Variants in TTC23L observed in about 807,000 individuals in gnomAD.
TTC23L encodes the protein tetratricopeptide repeat domain 23 like, also known as tetratricopeptide repeat protein 23-like.
In TTC23L, 42 loss-of-function variants were observed where a neutral mutation model predicts 48.1. The observed-to-expected ratio is 0.87, with a 90% CI of 0.68 to 1.13. The LOEUF (loss-of-function observed/expected upper bound fraction) is 1.13, where lower values mean the gene tolerates loss of function less well. Ranked by LOEUF, TTC23L falls within the 50% of genes most tolerant of loss-of-function variation. The probability of loss-of-function intolerance (pLI) is 0.00; values close to 1 mark genes in which losing one functional copy is unlikely to be tolerated. For synonymous variants in TTC23L, 159 were observed against 157.2 expected (o/e 1.01, Z -0.09); for missense variants, 391 against 421.0 (o/e 0.93, Z 0.62).
At chr5:34,920,562 C>A in the TTC23L span, 1 of 152,114 alleles carries the variant, frequency 6.6e-6, no homozygotes, top group African/African-American at 2.4e-5. Flanking sequence ...ATGGAACTTA[C>A]ATTCTAATGG....
At chr5:34,887,907 TAAG>T (rs947767406) in intron 9 of TTC23L, among the ~76,000 whole-genome samples, 3 of 152,258 alleles carry the variant, frequency 2.0e-5, no homozygotes, top group African/African-American at 7.2e-5. Flanking sequence ...AAAGTCAGTG[TAAG>T]GAGAGGCTCA....
the TTC23L span, chr5:34,915,793 C>T: frequency 3.1e-6 from 5 of 1,593,462 alleles, no homozygotes; most frequent in Non-Finnish European, 1.7e-6. Flanking sequence ...GGCGAAGAAG[C>T]CAAAAAGAAA....
At chr5:34,923,271 TA>T in the TTC23L span, 1 of 1,407,888 alleles carries the variant, frequency 7.1e-7, no homozygotes, top group African/African-American at 1.4e-5. Flanking sequence ...ACCTTTTTTT[TA>T]ATTGAGTTTA....
intron 10 of TTC23L, among the ~76,000 whole-genome samples, chr5:34,898,533 T>TA (rs1763368653): frequency 6.6e-6 from 1 of 152,168 alleles, no homozygotes. Flanking sequence ...GCAGCCCTCT[T>TA]ACAGTTCTTT....
the TTC23L span, chr5:34,905,972 T>C: frequency 6.6e-6 from 1 of 152,172 alleles, no homozygotes; most frequent in Non-Finnish European, 1.5e-5. Flanking sequence ...TTTTTGTTTT[T>C]GAGACGGAGT....
intron 2 of TTC23L, 26 bp from the exon 3 acceptor site, chr5:34,845,461 A>G: frequency 6.3e-7 from 1 of 1,599,526 alleles, no homozygotes; most frequent in Non-Finnish European, 8.5e-7. Context: ...TTAAATCCTG[A>G]ATCCTTGCCT....
the TTC23L span, chr5:34,918,040 G>C: frequency 5.7e-6 from 1 of 175,780 alleles, no homozygotes; most frequent in Non-Finnish European, 1.2e-5. Context: ...GGCCAGGTGC[G>C]GTGGTTCTTA....
chr5:34,840,329 G>A (rs1165514991), intron 1 of TTC23L, among the ~76,000 whole-genome samples: 2 of 149,494 alleles, frequency 1.3e-5, no homozygotes, highest in Non-Finnish European at 2.9e-5. Context: ...CCAACACGCC[G>A]TCAGACCTGC....
chr5:34,849,962 G>A (rs1005251145), intron 3 of TTC23L, among the ~76,000 whole-genome samples: 1 of 152,162 alleles, frequency 6.6e-6, no homozygotes, highest in African/African-American at 2.4e-5. Flanking sequence ...GGTGAGGGTG[G>A]CCTGGACTAG....
chr5:34,864,638 T>C (rs1760919825), intron 6 of TTC23L, 76 bp downstream of exon 6: 1 of 1,459,734 alleles, frequency 6.9e-7, no homozygotes, highest in South Asian at 1.7e-5. Context: ...GAGAAAAATA[T>C]TTAGAGCAAA....
At chr5:34,892,208 TTA>T (rs1762912780) in intron 9 of TTC23L, among the ~76,000 whole-genome samples, 1 of 152,200 alleles carries the variant, frequency 6.6e-6, no homozygotes, top group Non-Finnish European at 1.5e-5. Flanking sequence ...CTCCTGCTTC[TTA>T]CCTCACCTCT....
the TTC23L span, chr5:34,922,834 T>G: frequency 7.0e-7 from 1 of 1,431,808 alleles, no homozygotes; most frequent in South Asian, 1.2e-5. Context: ...TTAGTAGATA[T>G]AGTTGTGTTA....
intron 9 of TTC23L, among the ~76,000 whole-genome samples, chr5:34,892,011 T>C (rs1341688473): frequency 6.6e-6 from 1 of 151,964 alleles, no homozygotes; most frequent in African/African-American, 2.4e-5. Flanking sequence ...TGGCAGAAGG[T>C]TTTTCTTTCC....
At chr5:34,924,986 G>A in the TTC23L span, 1 of 1,611,528 alleles carries the variant, frequency 6.2e-7, no homozygotes, top group African/African-American at 1.3e-5. Context: ...GTAAGCGGTT[G>A]TGTCATTCAG....
intron 9 of TTC23L, among the ~76,000 whole-genome samples, chr5:34,884,555 CACA>C (rs1226431912): frequency 1.3e-5 from 2 of 151,776 alleles, no homozygotes; most frequent in Non-Finnish European, 2.9e-5. Context: ...AACACACACA[CACA>C]ACCTGTTTGA....
At chr5:34,895,914 T>C (rs1763194630) in intron 9 of TTC23L, among the ~76,000 whole-genome samples, 1 of 152,206 alleles carries the variant, frequency 6.6e-6, no homozygotes, top group Non-Finnish European at 1.5e-5. Flanking sequence ...CTATTATTTA[T>C]TAGTAAACAT....
rs370363151 is a variant in TTC23L at position 34,874,724 on chromosome 5, A to C, written c.950-5457A>C. Among the ~76,000 whole-genome samples the C allele has an allele frequency of 9.4e-5, 14 of 149,384 alleles. No individual in the cohort carries two copies. The East Asian group carries it at 2.1e-3, about 23-fold the overall frequency. On this transcript the variant is annotated intron_variant, in intron 8 of 10. Transcript: ENST00000505624. ...CGAGACAGAATGAAATCTTGTCTCT[A>C]AAAAAAAAATAAATAAATAAAATTT...
chr5:34,911,777 A>G, the TTC23L span: 1 of 1,614,166 alleles, frequency 6.2e-7, no homozygotes, highest in Non-Finnish European at 8.5e-7. Flanking sequence ...GGGTAACCAT[A>G]ACCTTGGTAA....
At chr5:34,909,881 G>C in the TTC23L span, among the ~76,000 whole-genome samples, 67 of 152,308 alleles carry the variant, frequency 4.4e-4, no homozygotes, top group African/African-American at 1.4e-3. Flanking sequence ...TGGAACATTT[G>C]CTGCAGGATT....
Sources: allele counts gnomAD v4.1 joint callset (sites outside exome capture counted in the v4.1 genomes callset), GRCh38; gene constraint gnomAD v4.1.1; transcripts MANE v1.5; gene names NCBI Gene and HGNC (gene_info 2026-07-23, HGNC 2026-07-21).